Variants in STT3B observed in about 807,000 individuals in gnomAD.
STT3B encodes dolichyl-diphosphooligosaccharide--protein glycosyltransferase subunit STT3B.
In STT3B, 29 loss-of-function variants were observed where a neutral mutation model predicts 96.8. The ratio of observed to expected loss-of-function variants is 0.30; its 90% CI spans 0.22 to 0.41. The LOEUF is 0.41. Ranked by LOEUF, STT3B falls within the 10% of genes least tolerant of loss-of-function variation. The pLI, the probability that STT3B is intolerant of heterozygous loss-of-function variation, is 1.00. For missense variants in STT3B, 640 were observed against 1,022.3 expected, an observed-to-expected ratio of 0.63 and a Z score of 5.10; for synonymous variants, 367 against 360.0, an observed-to-expected ratio of 1.02 and a Z score of -0.22.
chr3:31,599,358 T>C (rs919153160), intron 4 of STT3B, among the ~76,000 whole-genome samples: 1 of 152,224 alleles, frequency 6.6e-6, no homozygotes, highest in Non-Finnish European at 1.5e-5. Flanking sequence ...ATCAAACTTG[T>C]TCTCTTTCAA....
At chr3:31,543,708 CTTATGG>C (rs1697336582) in intron 1 of STT3B, among the ~76,000 whole-genome samples, 1 of 152,136 alleles carries the variant, frequency 6.6e-6, no homozygotes, top group Non-Finnish European at 1.5e-5. Flanking sequence ...AGGGATAATG[CTTATGG>C]AAGAAATGGT....
chr3:31,635,952 G>A (rs780868957), intron 15 of STT3B, 32 bp from the exon 16 acceptor site: 4 of 1,520,664 alleles, frequency 2.6e-6, no homozygotes, highest in Non-Finnish European at 3.6e-6. Flanking sequence ...TAAGAAACCT[G>A]CATTAATACT....
chr3:31,617,446 C>T (rs974596930), intron 7 of STT3B, among the ~76,000 whole-genome samples: 4 of 151,836 alleles, frequency 2.6e-5, no homozygotes, highest in Admixed American at 2.6e-4. Flanking sequence ...ACCCTCTAAC[C>T]TTTATTTACC....
chr3:31,605,241 A>G (rs966802251), intron 5 of STT3B, among the ~76,000 whole-genome samples: 4 of 152,062 alleles, frequency 2.6e-5, no homozygotes, highest in Non-Finnish European at 5.9e-5. Flanking sequence ...TCACTCAACT[A>G]TTTTTGGTTG....
In STT3B at chr3:31,636,132, TGTC is replaced by T; in HGVS notation, c.*71_*73del. Reference sequence around the variant, plus strand: ...AGAACCGGTCTTTGCCTTTAGCTCATGTCGTGTTTCACAGCAAAGAGGGTACAG... The same window carrying T: ...AGAACCGGTCTTTGCCTTTAGCTCATGTGTTTCACAGCAAAGAGGGTACAG... On this transcript the variant is annotated 3_prime_UTR_variant, in exon 16 of 16. Coordinates refer to ENST00000295770, the MANE Select transcript of STT3B (RefSeq NM_178862.3). 7.9e-7 allele frequency: 1 copy of T among 1,271,428 alleles called. No homozygotes were observed. Among genetic ancestry groups the T allele is most frequent in the South Asian group, 1.5e-5 (1 of 64,666 alleles). The allele number at this position is 1,271,428 out of a possible 1,614,324, so 78.8% of individuals were successfully genotyped here. A position where few individuals can be genotyped will look rare whatever the true frequency, so the allele number is the denominator to read the frequency against.
intron 5 of STT3B, 70 bp from the exon 6 acceptor site, chr3:31,615,035 A>G (rs745517574): frequency 8.1e-5 from 71 of 881,342 alleles, no homozygotes; most frequent in South Asian, 1.7e-4. Context: ...CAGGATTTAC[A>G]TATACATTTA....
rs781313679 is a variant in STT3B at position 31,532,965 on chromosome 3, A to C, written c.-34A>C. ...CCCTCGCACCAGGCGGCGGCGGCGG[A>C]GGAGGAGAGCTAGACCCGCCGCCGG... On this transcript the variant is annotated 5_prime_UTR_variant, in exon 1 of 16. Transcript: ENST00000295770. 3.9e-5 allele frequency: 61 copies of C among 1,561,764 alleles called. No homozygotes were observed. Among genetic ancestry groups the C allele is most frequent in the Middle Eastern group, 1.7e-4 (1 of 5,838 alleles).
intron 6 of STT3B, among the ~76,000 whole-genome samples, chr3:31,615,675 G>C (rs904581851): frequency 6.6e-6 from 1 of 151,782 alleles, no homozygotes; most frequent in Non-Finnish European, 1.5e-5. Flanking sequence ...TTAGTGTTGT[G>C]TACACAATAA....
chr3:31,535,234 CAA>C (rs1268003859), intron 1 of STT3B, among the ~76,000 whole-genome samples: 1 of 151,922 alleles, frequency 6.6e-6, no homozygotes, highest in African/African-American at 2.4e-5. Context: ...AAATCTGCAT[CAA>C]GTCAGCCAAA....
chr3:31,605,492 T>A (rs867631009), intron 5 of STT3B, among the ~76,000 whole-genome samples: 2 of 116,396 alleles, frequency 1.7e-5, no homozygotes, highest in Non-Finnish European at 2.2e-5. Flanking sequence ...CTCATACTGT[T>A]CTCATGGTGG....
At chr3:31,572,228 A>G (rs1188486302) in intron 1 of STT3B, among the ~76,000 whole-genome samples, 1 of 145,962 alleles carries the variant, frequency 6.9e-6, no homozygotes, top group South Asian at 2.1e-4. Flanking sequence ...ATATATATAT[A>G]TGATGAGGAA....
chr3:31,601,900 A>G (rs1393704113), intron 5 of STT3B, among the ~76,000 whole-genome samples: 1 of 152,208 alleles, frequency 6.6e-6, no homozygotes, highest in East Asian at 1.9e-4. Context: ...GAGGAGACAT[A>G]ATAATTTGCT....
chr3:31,541,653 T>A (rs1041221880), intron 1 of STT3B, among the ~76,000 whole-genome samples: 1 of 152,146 alleles, frequency 6.6e-6, no homozygotes, highest in Non-Finnish European at 1.5e-5. Context: ...CTCAGCTCAC[T>A]GCAAGCTCCA....
At chr3:31,632,820 A>G (rs1397337403) in intron 14 of STT3B, 115 bp from the exon 15 acceptor site, 2 of 895,182 alleles carry the variant, frequency 2.2e-6, no homozygotes, top group Non-Finnish European at 3.5e-6. Context: ...AGATTACTTG[A>G]TTGTTTTCCT....
At chr3:31,568,111 C>T (rs144195417) in intron 1 of STT3B, among the ~76,000 whole-genome samples, 25 of 151,946 alleles carry the variant, frequency 1.6e-4, no homozygotes, top group Admixed American at 9.8e-4. Context: ...ATGTAAAATT[C>T]GTCCTTCCAT....
chr3:31,628,009 C>G (rs1040213050), intron 13 of STT3B, among the ~76,000 whole-genome samples: 1 of 97,242 alleles, frequency 1.0e-5, no homozygotes, highest in Non-Finnish European at 2.9e-5. Context: ...GTCTACCCCC[C>G]CTAAAAAAAA....
intron 1 of STT3B, among the ~76,000 whole-genome samples, chr3:31,535,443 G>A (rs1490729189): frequency 6.6e-6 from 1 of 151,608 alleles, no homozygotes; most frequent in Non-Finnish European, 1.5e-5. Context: ...ATATGTTTTG[G>A]TCGGGCGCGG....
At chr3:31,597,566 C>A (rs1290662954) in intron 4 of STT3B, among the ~76,000 whole-genome samples, 1 of 151,940 alleles carries the variant, frequency 6.6e-6, no homozygotes, top group Non-Finnish European at 1.5e-5. Flanking sequence ...AAGTGATTCT[C>A]CCACTTCAGC....
In STT3B at chr3:31,619,729, C is replaced by T; in HGVS notation, c.1226C>T (p.Thr409Met). ...GCATCAGTGTCTGAGCATCAACCTA[C>T]GACTTGGGTGTCTTTCTTCTTTGAT... ...IIASVSEHQPTTWVSFFFDLH... is the reference protein window; with the variant it reads ...IIASVSEHQPMTWVSFFFDLH... The change falls in exon 9 of 16, where the codon ACG (threonine) becomes ATG (methionine). Residue 409 changes from threonine (T) to methionine (M), a missense_variant. Thr to Met is a moderately conservative substitution (Grantham distance 81, BLOSUM62 -1). This residue lies in a region of STT3B where 9 missense variants were observed against 50.4 expected (regional missense o/e 0.18). Coordinates refer to ENST00000295770, the MANE Select transcript of STT3B (RefSeq NM_178862.3). 1.2e-6 allele frequency: 2 copies of T among 1,613,888 alleles called. No individual in the cohort carries two copies. Among genetic ancestry groups the T allele is most frequent in the South Asian group, 2.2e-5 (2 of 91,048 alleles).
Sources: allele counts gnomAD v4.1 joint callset (sites outside exome capture counted in the v4.1 genomes callset), GRCh38; gene constraint gnomAD v4.1.1; regional missense constraint gnomAD v4.1.1; transcripts MANE v1.5; gene names NCBI Gene and HGNC (gene_info 2026-07-23, HGNC 2026-07-21).